DTNA: variants seen among roughly 807,000 people sequenced by gnomAD.
DTNA encodes the protein dystrobrevin alpha, also known as dystrophin-related protein 3.
A neutral mutation model predicts 100.7 loss-of-function variants in DTNA; 43 were observed. The ratio of observed to expected loss-of-function variants is 0.43; its 90% CI spans 0.33 to 0.55. The LOEUF (loss-of-function observed/expected upper bound fraction) is 0.55, where lower values mean the gene tolerates loss of function less well. DTNA is among the 20% of genes least tolerant of loss of function. The pLI, the probability that DTNA is intolerant of heterozygous loss-of-function variation, is 0.04. For missense variants in DTNA, 798 were observed against 953.9 expected (o/e 0.84, Z 2.15); for synonymous variants, 349 against 347.9 (o/e 1.00, Z -0.04).
intron 1 of DTNA, among the ~76,000 whole-genome samples, chr18:34,713,708 G>A (rs1313573226): frequency 2.0e-5 from 3 of 151,904 alleles, no homozygotes; most frequent in African/African-American, 7.3e-5. Flanking sequence ...CATTGAATCT[G>A]TAAATTACCT....
chr18:34,734,427 G>T (rs1206906597), intron 1 of DTNA, among the ~76,000 whole-genome samples: 1 of 152,140 alleles, frequency 6.6e-6, no homozygotes, highest in African/African-American at 2.4e-5. Flanking sequence ...ATTCCAAGTT[G>T]CAGGGTCCCA....
chr18:34,505,540 T>C (rs1413488200), intron 1 of DTNA, among the ~76,000 whole-genome samples: 1 of 152,224 alleles, frequency 6.6e-6, no homozygotes, highest in Admixed American at 6.5e-5. Context: ...ATCTGTTTTC[T>C]CTGTTATTCA....
intron 1 of DTNA, among the ~76,000 whole-genome samples, chr18:34,744,106 T>C (rs1218953710): frequency 6.6e-6 from 1 of 152,172 alleles, no homozygotes; most frequent in Admixed American, 6.5e-5. Context: ...AAATTAAGTA[T>C]ACTAATTCTG....
chr18:34,797,426 C>G (rs2095028165), intron 4 of DTNA, among the ~76,000 whole-genome samples: 1 of 152,106 alleles, frequency 6.6e-6, no homozygotes, highest in African/African-American at 2.4e-5. Context: ...TTCCTCTTGT[C>G]CCTTTCCTCC....
chr18:34,599,052 T>C (rs1269465081), intron 1 of DTNA, among the ~76,000 whole-genome samples: 2 of 152,218 alleles, frequency 1.3e-5, no homozygotes, highest in Non-Finnish European at 2.9e-5. Context: ...GGACCACTTA[T>C]AAACTTTTTA....
chr18:34,658,113 A>G (rs986418231), intron 1 of DTNA, among the ~76,000 whole-genome samples: 1 of 152,186 alleles, frequency 6.6e-6, no homozygotes, highest in Non-Finnish European at 1.5e-5. Flanking sequence ...AAAGAAGCTG[A>G]CTGATGAAAC....
At chr18:34,515,000 A>G (rs550996780) in intron 1 of DTNA, among the ~76,000 whole-genome samples, 1 of 152,136 alleles carries the variant, frequency 6.6e-6, no homozygotes, top group East Asian at 1.9e-4. Flanking sequence ...TTGGGAGGGT[A>G]GACTGAGTTT....
intron 1 of DTNA, among the ~76,000 whole-genome samples, chr18:34,537,227 A>G (rs979033194): frequency 3.9e-5 from 6 of 152,008 alleles, no homozygotes; most frequent in African/African-American, 9.7e-5. Flanking sequence ...TACTAAAGTT[A>G]CTGTTAACTC....
intron 17 of DTNA, among the ~76,000 whole-genome samples, chr18:34,865,387 T>C (rs2150177448): frequency 6.6e-6 from 1 of 152,276 alleles, no homozygotes; most frequent in South Asian, 2.1e-4. Context: ...TTTTGAAAGC[T>C]ACTTTGTCCC....
intron 1 of DTNA, among the ~76,000 whole-genome samples, chr18:34,680,326 T>C (rs1163532911): frequency 2.6e-5 from 4 of 152,198 alleles, no homozygotes; most frequent in African/African-American, 9.7e-5. Flanking sequence ...TAGTCTGATA[T>C]ATGCCATTGC....
At chr18:34,668,066 T>C (rs1271910080) in intron 1 of DTNA, among the ~76,000 whole-genome samples, 4 of 152,210 alleles carry the variant, frequency 2.6e-5, no homozygotes, top group South Asian at 4.1e-4. Flanking sequence ...GGACTTTTTT[T>C]GGTTGGTAAG....
chr18:34,867,970 T>C (rs1376181173), intron 17 of DTNA: 10 of 985,386 alleles, frequency 1.0e-5, no homozygotes, highest in Non-Finnish European at 9.6e-6. Context: ...ATTTCACTTA[T>C]TTATCTTTTT....
At chr18:34,603,250 AAAAAAT>A (rs1453331714) in intron 1 of DTNA, among the ~76,000 whole-genome samples, 1 of 151,024 alleles carries the variant, frequency 6.6e-6, no homozygotes. Flanking sequence ...AATCCCATTT[AAAAAAT>A]AAAAATAAAA....
At position 34,867,623 on chromosome 18, in the gene DTNA, CAGAG is replaced by C. The variant is rs989210680; in HGVS notation, c.1743+3568_1743+3571del. The C allele has an allele frequency of 3.6e-5, 36 of 1,001,014 alleles. No homozygotes were observed. In the African/African-American group the frequency reaches 4.3e-4, roughly 12 times the overall value. The allele number at this position is 1,001,014 out of a possible 1,614,324, so 62.0% of individuals were successfully genotyped here. A position where few individuals can be genotyped will look rare whatever the true frequency, so the allele number is the denominator to read the frequency against. The stretch of plus-strand genomic sequence containing the variant: ...TCAATTATAACCTCCCTCCTCCTAG[CAGAG>C]AGAGAGGGCAATCATCCTGTCGTCA... On this transcript the variant is annotated intron_variant, in intron 17 of 22. Coordinates refer to ENST00000444659, the MANE Select transcript of DTNA (RefSeq NM_001386795.1).
At chr18:34,715,174 A>T (rs934157095) in intron 1 of DTNA, among the ~76,000 whole-genome samples, 1 of 151,956 alleles carries the variant, frequency 6.6e-6, no homozygotes, top group African/African-American at 2.4e-5. Context: ...AACCTGCACA[A>T]TGTGCACATG....
At chr18:34,518,662 T>C (rs2041881741) in intron 1 of DTNA, among the ~76,000 whole-genome samples, 1 of 146,042 alleles carries the variant, frequency 6.8e-6, no homozygotes, top group Admixed American at 7.4e-5. Context: ...AACAAAAATG[T>C]CTTCAATTTT....
chr18:34,766,652 C>T (rs2093490544), intron 3 of DTNA, among the ~76,000 whole-genome samples: 2 of 151,946 alleles, frequency 1.3e-5, no homozygotes, highest in Non-Finnish European at 2.9e-5. Flanking sequence ...TGCACATGTA[C>T]CCTAAAACTT....
In DTNA at chr18:34,888,193, T is replaced by A; in HGVS notation, c.*459T>A. On this transcript the variant is annotated 3_prime_UTR_variant, in exon 23 of 23. Coordinates refer to ENST00000444659, the MANE Select transcript of DTNA (RefSeq NM_001386795.1). Reference sequence around the variant, plus strand: ...GTTCAGTTTACAATGACAATATTAATACTGTTTATAGCTAGAAGTTTGATT... The same window carrying A: ...GTTCAGTTTACAATGACAATATTAAAACTGTTTATAGCTAGAAGTTTGATT... 5 of 985,888 alleles carry A rather than the reference T, an allele frequency of 5.1e-6. No individual in the cohort carries two copies. The highest frequency in any genetic ancestry group is 6.0e-6 in the Non-Finnish European group (5 of 829,934). 61.1% of individuals were successfully genotyped at this position (985,888 alleles called of 1,614,324 possible). A position where few individuals can be genotyped will look rare whatever the true frequency, so the allele number is the denominator to read the frequency against.
chr18:34,635,153 A>G (rs1599380857), intron 1 of DTNA, among the ~76,000 whole-genome samples: 5 of 152,266 alleles, frequency 3.3e-5, no homozygotes, highest in Middle Eastern at 3.4e-3. Flanking sequence ...TTCACTTAGT[A>G]TAATGTCCCT....
Sources: allele counts gnomAD v4.1 joint callset (sites outside exome capture counted in the v4.1 genomes callset), GRCh38; gene constraint gnomAD v4.1.1; transcripts MANE v1.5; gene names NCBI Gene and HGNC (gene_info 2026-07-23, HGNC 2026-07-21).